Variants in RPS6KA1 observed in about 807,000 individuals in gnomAD.
RPS6KA1 encodes ribosomal protein S6 kinase alpha-1.
RPS6KA1 carries 48 observed loss-of-function variants against 91.3 expected under a neutral mutation model. The ratio of observed to expected loss-of-function variants is 0.53; its 90% CI spans 0.42 to 0.67. The LOEUF is 0.67. RPS6KA1 is among the 30% of genes least tolerant of loss of function. The pLI, the probability that RPS6KA1 is intolerant of heterozygous loss-of-function variation, is 0.00. For synonymous variants in RPS6KA1, 359 were observed against 384.7 expected (o/e 0.93, Z 0.78); for missense variants, 719 against 960.5 (o/e 0.75, Z 3.32).
intron 1 of RPS6KA1, among the ~76,000 whole-genome samples, chr1:26,534,722 A>C (rs74061202): frequency 0.016 from 2,382 of 152,310 alleles, 64 homozygotes; most frequent in African/African-American, 0.054. Flanking sequence ...AGATGAGGAA[A>C]CTGAAGCCCC....
intron 17 of RPS6KA1, among the ~76,000 whole-genome samples, chr1:26,570,443 A>G (rs1414630118): frequency 6.6e-6 from 1 of 152,080 alleles, no homozygotes; most frequent in Non-Finnish European, 1.5e-5. Context: ...GCCATGAATC[A>G]TGCTGCTGTA....
Position 26,555,004 on chromosome 1 carries a change from A to T in RPS6KA1, c.757-147A>T. ...CCTGGTGGTCTGGTTGGCAGAGGCA[A>T]GAGGGACGGGCATAATTCTTGCTCC... On this transcript the variant is annotated intron_variant, in intron 9 of 21. Transcript: ENST00000374168. The surrounding 1 kb of genome is among the most constrained non-coding windows in gnomAD (Gnocchi z 4.3). The T allele has an allele frequency of 1.1e-6, 1 of 892,282 alleles. No homozygotes were observed. 55.3% of individuals were successfully genotyped at this position (892,282 alleles called of 1,614,324 possible). A position where few individuals can be genotyped will look rare whatever the true frequency, so the allele number is the denominator to read the frequency against.
chr1:26,566,315 G>A (rs897110325), intron 17 of RPS6KA1, among the ~76,000 whole-genome samples: 36 of 120,332 alleles, frequency 3.0e-4, no homozygotes, highest in African/African-American at 1.1e-3. Context: ...ACAGAGTCTC[G>A]CTCTGTTGCC....
chr1:26,560,269 G>A (rs1557508575), intron 14 of RPS6KA1, among the ~76,000 whole-genome samples: 1 of 152,206 alleles, frequency 6.6e-6, no homozygotes. Context: ...GCACCATTCA[G>A]CATTGCTACG....
intron 1 of RPS6KA1, among the ~76,000 whole-genome samples, chr1:26,533,443 T>C (rs1341085033): frequency 6.6e-6 from 1 of 152,084 alleles, no homozygotes; most frequent in Non-Finnish European, 1.5e-5. Flanking sequence ...TGGTGGCTCA[T>C]GACTGTAATC....
chr1:26,571,994 C>A lies in RPS6KA1; in HGVS notation c.1829+69C>A. The A allele has an allele frequency of 6.6e-7, 1 of 1,513,216 alleles. No homozygotes were observed. Among genetic ancestry groups the A allele is most frequent in the Non-Finnish European group, 9.1e-7 (1 of 1,097,834 alleles). 93.7% of individuals were successfully genotyped at this position (1,513,216 alleles called of 1,614,324 possible). ...AGCACTTGGGCTGAGTGGTGCTTGT[C>A]TGATAGGAATGGCTCAGCCAGCCCC... On this transcript the variant is annotated intron_variant, in intron 19 of 21. Coordinates refer to ENST00000374168, the MANE Select transcript of RPS6KA1 (RefSeq NM_002953.4). This position sits in a 1 kb window ranked among gnomAD's most constrained non-coding sequence, Gnocchi z 5.1.
At chr1:26,538,816 G>A (rs1208664357) in intron 2 of RPS6KA1, among the ~76,000 whole-genome samples, 1 of 152,172 alleles carries the variant, frequency 6.6e-6, no homozygotes, top group African/African-American at 2.4e-5. Context: ...CTGGGCACCT[G>A]CTCATCCATC....
rs188219941 is a variant in RPS6KA1 at position 26,543,192 on chromosome 1, G to A, written c.109-3675G>A. 8.9e-4 allele frequency: 1,372 copies of A among 1,535,674 alleles called. 2 individuals carry two copies. The highest frequency in any genetic ancestry group is 2.0e-3 in the Admixed American group (100 of 50,998). ...GACCCCAGCAGATTTCCCCAGGGTT[G>A]AGAGAGACTTGGTTCCCTGTCCCAG... On this transcript the variant is annotated intron_variant, in intron 2 of 21. Coordinates refer to ENST00000374168, the MANE Select transcript of RPS6KA1 (RefSeq NM_002953.4).
intron 17 of RPS6KA1, among the ~76,000 whole-genome samples, chr1:26,569,759 G>C (rs1477521876): frequency 2.6e-5 from 4 of 152,316 alleles, no homozygotes; most frequent in African/African-American, 9.6e-5. Context: ...CTCTGTGCTA[G>C]GCCCTGCACT....
At chr1:26,533,476 C>T (rs925200169) in intron 1 of RPS6KA1, among the ~76,000 whole-genome samples, 15 of 152,102 alleles carry the variant, frequency 9.9e-5, no homozygotes, top group East Asian at 7.8e-4. Context: ...GAGCCTGAGG[C>T]GGGTGGATCA....
intron 14 of RPS6KA1, among the ~76,000 whole-genome samples, chr1:26,560,342 C>A (rs918269028): frequency 6.6e-6 from 1 of 152,218 alleles, no homozygotes; most frequent in African/African-American, 2.4e-5. Context: ...GAAAGGGAGG[C>A]AGGCCACTCA....
At chr1:26,552,811 T>C (rs1270342566) in intron 6 of RPS6KA1, 1 of 383,464 alleles carries the variant, frequency 2.6e-6, no homozygotes, top group South Asian at 1.9e-5. Flanking sequence ...TTTTAATGTT[T>C]GAATAGGTAA....
At chr1:26,530,570 A>G (rs1426655310) in intron 1 of RPS6KA1, among the ~76,000 whole-genome samples, 1 of 152,118 alleles carries the variant, frequency 6.6e-6, no homozygotes, top group African/African-American at 2.4e-5. Flanking sequence ...GGCTGTGGAG[A>G]CGAGAGTGGG....
chr1:26,538,885 C>T (rs1014589951), intron 2 of RPS6KA1, among the ~76,000 whole-genome samples: 5 of 152,180 alleles, frequency 3.3e-5, no homozygotes, highest in East Asian at 1.9e-4. Context: ...CACCAGGGGG[C>T]GCTCAACCTG....
intron 17 of RPS6KA1, among the ~76,000 whole-genome samples, chr1:26,562,600 T>C (rs1195085109): frequency 6.6e-6 from 1 of 152,156 alleles, no homozygotes; most frequent in Non-Finnish European, 1.5e-5. Context: ...GAGCACTAGA[T>C]GACGGTGAGG....
chr1:26,538,658 A>T (rs2075924501), intron 2 of RPS6KA1, among the ~76,000 whole-genome samples: 1 of 152,174 alleles, frequency 6.6e-6, no homozygotes, highest in Non-Finnish European at 1.5e-5. Flanking sequence ...CATTTTACAG[A>T]TGAGAAAATT....
Position 26,555,342 on chromosome 1 carries a change from G to T in RPS6KA1, c.827+121G>T. ...ACCCTCTCTAATGAGACTCTCCTCT[G>T]GGTTAAACATTATACCTTCCAGAGC... is the stretch of plus-strand genomic sequence containing the variant. On this transcript the variant is annotated intron_variant, in intron 10 of 21. Transcript: ENST00000374168. The surrounding 1 kb of genome is among the most constrained non-coding windows in gnomAD (Gnocchi z 4.3). 2.8e-6 allele frequency: 3 copies of T among 1,083,376 alleles called. No homozygotes were observed. Among genetic ancestry groups the T allele is most frequent in the Non-Finnish European group, 2.7e-6 (2 of 733,182 alleles). The allele number at this position is 1,083,376 out of a possible 1,614,324, so 67.1% of individuals were successfully genotyped here. A position where few individuals can be genotyped will look rare whatever the true frequency, so the allele number is the denominator to read the frequency against.
At chr1:26,568,629 A>C (rs1195841381) in intron 17 of RPS6KA1, among the ~76,000 whole-genome samples, 1 of 152,176 alleles carries the variant, frequency 6.6e-6, no homozygotes, top group Non-Finnish European at 1.5e-5. Context: ...AGATGCCTGT[A>C]ATACCAGCTC....
chr1:26,546,563 G>A (rs1264494702), intron 2 of RPS6KA1, among the ~76,000 whole-genome samples: 1 of 152,238 alleles, frequency 6.6e-6, no homozygotes, highest in Non-Finnish European at 1.5e-5. Context: ...CGGACCTGGG[G>A]CAGGTCTCTG....
Sources: gnomAD v4.1 joint callset for allele counts (sites outside exome capture counted in the v4.1 genomes callset) on GRCh38, gnomAD v4.1.1 for gene constraint, Gnocchi (gnomAD v3.1) non-coding constraint, MANE v1.5 for transcripts, NCBI Gene and HGNC (gene_info 2026-07-23, HGNC 2026-07-21) for gene names.